ASXL3: variants seen among roughly 807,000 people sequenced by gnomAD.
The protein encoded by ASXL3 is putative Polycomb group protein ASXL3.
Under a neutral mutation model 170.6 loss-of-function variants are expected in ASXL3, and 34 were observed. The observed-to-expected ratio is 0.20, with a 90% confidence interval of 0.15 to 0.27. The LOEUF (loss-of-function observed/expected upper bound fraction) is 0.27, where lower values mean the gene tolerates loss of function less well. Ranked by LOEUF, ASXL3 falls within the 10% of genes least tolerant of loss-of-function variation. ASXL3 has a pLI of 1.00. For synonymous variants in ASXL3, 1,002 were observed against 989.1 expected (o/e 1.01, Z -0.24); for missense variants, 2,592 against 2,695.3 (o/e 0.96, Z 0.85).
intron 2 of ASXL3, among the ~76,000 whole-genome samples, chr18:33,636,498 G>T (rs1470472824): frequency 1.3e-5 from 2 of 152,294 alleles, no homozygotes; most frequent in Admixed American, 6.5e-5. Flanking sequence ...GAAGCAGGGA[G>T]ACCAGTTAGA....
intron 4 of ASXL3, among the ~76,000 whole-genome samples, chr18:33,653,669 G>T (rs2066036515): frequency 6.6e-6 from 1 of 151,974 alleles, no homozygotes; most frequent in African/African-American, 2.4e-5. Context: ...ATGAAGCCCT[G>T]TTTCCTCTCT....
intron 7 of ASXL3, among the ~76,000 whole-genome samples, chr18:33,676,257 CA>C (rs1479040096): frequency 3.3e-5 from 3 of 91,644 alleles, no homozygotes; most frequent in Non-Finnish European, 4.7e-5. Flanking sequence ...ATTATTCAGT[CA>C]TTCTAATTCT....
intron 1 of ASXL3, among the ~76,000 whole-genome samples, chr18:33,584,558 G>A (rs1228616035): frequency 6.6e-6 from 1 of 151,952 alleles, no homozygotes; most frequent in Non-Finnish European, 1.5e-5. Context: ...TGATACTAAA[G>A]AATCTGAAAA....
At chr18:33,673,373 ATTT>A (rs150226666) in intron 7 of ASXL3, among the ~76,000 whole-genome samples, 296 of 138,634 alleles carry the variant, frequency 2.1e-3, no homozygotes, top group East Asian at 4.7e-3. Flanking sequence ...GATCTTCAGT[ATTT>A]TTTTTTTTTT....
At chr18:33,618,773 T>C (rs1017369731) in intron 2 of ASXL3, among the ~76,000 whole-genome samples, 5 of 151,318 alleles carry the variant, frequency 3.3e-5, no homozygotes, top group Non-Finnish European at 7.4e-5. Flanking sequence ...TCATACTTGA[T>C]GTTATTTTTT....
At chr18:33,595,436 T>G in intron 1 of ASXL3, among the ~76,000 whole-genome samples, 1 of 152,302 alleles carries the variant, frequency 6.6e-6, no homozygotes. Flanking sequence ...CTGTATCTTT[T>G]TAAAATATCC....
chr18:33,733,561 C>T (rs765064355), intron 9 of ASXL3, among the ~76,000 whole-genome samples: 1 of 152,166 alleles, frequency 6.6e-6, no homozygotes, highest in African/African-American at 2.4e-5. Context: ...TTACTTCACT[C>T]TGTTGTCAGA....
intron 1 of ASXL3, among the ~76,000 whole-genome samples, chr18:33,579,582 T>G (rs1013452286): frequency 1.3e-5 from 2 of 152,168 alleles, no homozygotes; most frequent in Non-Finnish European, 2.9e-5. Context: ...GTTTGATGCA[T>G]GTATATGTGT....
chr18:33,698,624 A>G (rs531877345), intron 8 of ASXL3, among the ~76,000 whole-genome samples: 31 of 152,140 alleles, frequency 2.0e-4, no homozygotes, highest in Admixed American at 2.0e-3. Context: ...GCTTAAGATG[A>G]AAGTCTGAAA....
At chr18:33,657,139 T>C (rs1486635373) in intron 4 of ASXL3, among the ~76,000 whole-genome samples, 1 of 152,024 alleles carries the variant, frequency 6.6e-6, no homozygotes, top group African/African-American at 2.4e-5. Context: ...GAGGAGCAAG[T>C]CTACCTCAGA....
intron 11 of ASXL3, among the ~76,000 whole-genome samples, chr18:33,742,361 AGAAACT>A (rs968762790): frequency 2.4e-4 from 36 of 152,206 alleles, no homozygotes; most frequent in African/African-American, 8.4e-4. Context: ...AGATTATTGG[AGAAACT>A]GAGGTACACA....
At chr18:33,650,918 C>T (rs1183874646) in intron 4 of ASXL3, among the ~76,000 whole-genome samples, 1 of 152,106 alleles carries the variant, frequency 6.6e-6, no homozygotes, top group African/African-American at 2.4e-5. Context: ...CCTTAGGACA[C>T]ATTTTCAAAC....
chr18:33,668,594 G>A (rs2066294862), intron 5 of ASXL3, among the ~76,000 whole-genome samples: 1 of 151,896 alleles, frequency 6.6e-6, no homozygotes, highest in Non-Finnish European at 1.5e-5. Flanking sequence ...ATACAAACAG[G>A]CTCAATATTG....
At chr18:33,726,056 A>T (rs2067344846) in intron 8 of ASXL3, among the ~76,000 whole-genome samples, 2 of 152,198 alleles carry the variant, frequency 1.3e-5, no homozygotes, top group African/African-American at 4.8e-5. Flanking sequence ...TATGGAAGAC[A>T]TCTACTGGGA....
intron 3 of ASXL3, 107 bp downstream of exon 3, chr18:33,645,109 C>T (rs2065899458): frequency 3.5e-6 from 2 of 568,346 alleles, no homozygotes; most frequent in African/African-American, 3.8e-5. Context: ...GACTCCTATG[C>T]CTTTAAATGT....
At chr18:33,716,674 C>A (rs867629086) in intron 8 of ASXL3, among the ~76,000 whole-genome samples, 1 of 152,044 alleles carries the variant, frequency 6.6e-6, no homozygotes, top group Non-Finnish European at 1.5e-5. Flanking sequence ...TTTATGAAAC[C>A]GTACCCTTAT....
rs185850321 is a variant in ASXL3 at position 33,720,467 on chromosome 18, T to C, written c.880-11501T>C. 2.2e-4 allele frequency among the ~76,000 whole-genome samples: 34 copies of C among 152,102 alleles called. No homozygotes were observed. The East Asian group carries it at 5.4e-3, about 24-fold the overall frequency. On this transcript the variant is annotated intron_variant, in intron 8 of 11. Transcript: ENST00000269197. The stretch of plus-strand genomic sequence containing the variant: ...TATTCATGGTTGGGTACATTGGAAG[T>C]TTTTTCCCCCCTTCCCCCTCTGCTA...
intron 8 of ASXL3, among the ~76,000 whole-genome samples, chr18:33,711,159 T>C (rs561487631): frequency 1.2e-4 from 18 of 152,232 alleles, no homozygotes; most frequent in Non-Finnish European, 2.6e-4. Flanking sequence ...ATAACCAAAT[T>C]ACATCTTCCA....
chr18:33,606,234 C>G (rs371618839), intron 1 of ASXL3, among the ~76,000 whole-genome samples: 1 of 151,980 alleles, frequency 6.6e-6, no homozygotes, highest in South Asian at 2.1e-4. Context: ...CTACAGTGTC[C>G]TCTTCTGCAA....
Sources: gnomAD v4.1 joint callset for allele counts (sites outside exome capture counted in the v4.1 genomes callset) on GRCh38, gnomAD v4.1.1 for gene constraint, MANE v1.5 for transcripts, NCBI Gene and HGNC (gene_info 2026-07-23, HGNC 2026-07-21) for gene names.